The following ATXN2 variants were observed in gnomAD, a reference collection of about 807,000 sequenced individuals.
ATXN2 encodes ataxin 2.
ATXN2 carries 37 observed loss-of-function variants against 138.6 expected under a neutral mutation model. The ratio of observed to expected loss-of-function variants is 0.27; its 90% CI spans 0.21 to 0.35. The LOEUF (loss-of-function observed/expected upper bound fraction) is 0.35, where lower values mean the gene tolerates loss of function less well. Ranked by LOEUF, ATXN2 falls within the 10% of genes least tolerant of loss-of-function variation. ATXN2 has a pLI of 1.00. For missense variants in ATXN2, 1,216 were observed against 1,480.3 expected (o/e 0.82, Z 2.93); for synonymous variants, 549 against 543.7 (o/e 1.01, Z -0.13).
At chr12:111,599,328 G>A (rs1183618784), upstream of ATXN2, 114 of 1,171,208 alleles carry the variant, frequency 9.7e-5, no homozygotes, top group Non-Finnish European at 1.2e-4. Flanking sequence ...CGGGAGGGAG[G>A]GGGGCCGGGG....
At chr12:111,549,783 C>G (rs1337923943) in intron 5 of ATXN2, among the ~76,000 whole-genome samples, 2 of 151,892 alleles carry the variant, frequency 1.3e-5, no homozygotes, top group African/African-American at 4.8e-5. Context: ...AAGATACCTG[C>G]CCAGGCGTGG....
At chr12:111,537,024 C>T (rs1881223510) in intron 5 of ATXN2, among the ~76,000 whole-genome samples, 1 of 151,942 alleles carries the variant, frequency 6.6e-6, no homozygotes, top group African/African-American at 2.4e-5. Flanking sequence ...CTCAAATGAT[C>T]TGCCAGCCCC....
chr12:111,535,494 C>T (rs941843105), intron 5 of ATXN2, among the ~76,000 whole-genome samples: 2 of 151,920 alleles, frequency 1.3e-5, no homozygotes, highest in African/African-American at 2.4e-5. Flanking sequence ...TGGTGGCGCG[C>T]GCCTGTCGTC....
rs144543727 is a variant in ATXN2 at position 111,552,362 on chromosome 12, T to C, written c.489A>G (p.Glu163=). Residue 163 remains glutamate (E), a synonymous_variant, in exon 5 of 25, where the codon GAA becomes GAG. Transcript: ENST00000673436. This position sits in a 1 kb window ranked among gnomAD's most constrained non-coding sequence, Gnocchi z 4.1. The stretch of plus-strand genomic sequence containing the variant: ...ATTTGAACAAAATACTCTCCATTAT[T>C]TCTTCACGTTTCGGCCCCGAACTGG... The part of the protein sequence containing the change: ...TESSSGPKRE[E]IMESILFKCS... 1 of 1,613,900 alleles carries C rather than the reference T, an allele frequency of 6.2e-7. No homozygotes were observed. Among genetic ancestry groups the C allele is most frequent in the Non-Finnish European group, 8.5e-7 (1 of 1,179,920 alleles).
chr12:111,508,112 C>T (rs1879279171), intron 14 of ATXN2, among the ~76,000 whole-genome samples: 1 of 151,728 alleles, frequency 6.6e-6, no homozygotes, highest in Admixed American at 6.6e-5. Flanking sequence ...GTCCTATGAC[C>T]CTGCCAAATC....
chr12:111,563,543 A>G (rs1206132065), intron 1 of ATXN2, among the ~76,000 whole-genome samples: 1 of 152,124 alleles, frequency 6.6e-6, no homozygotes, highest in Non-Finnish European at 1.5e-5. Context: ...CATGTCTCTC[A>G]TATGTTTAAT....
At chr12:111,594,907 C>T (rs1453519927) in intron 1 of ATXN2, among the ~76,000 whole-genome samples, 1 of 152,130 alleles carries the variant, frequency 6.6e-6, no homozygotes, top group Non-Finnish European at 1.5e-5. Flanking sequence ...AACCAAGTAC[C>T]CTCATTAATA....
chr12:111,481,134 A>ATTCC (rs1354434697), intron 18 of ATXN2, among the ~76,000 whole-genome samples: 1 of 151,926 alleles, frequency 6.6e-6, no homozygotes, highest in Non-Finnish European at 1.5e-5. Context: ...ACATGGTGAA[A>ATTCC]TTCCATCTCT....
intron 5 of ATXN2, among the ~76,000 whole-genome samples, chr12:111,528,835 G>T (rs576331663): frequency 1.5e-4 from 23 of 152,258 alleles, no homozygotes; most frequent in African/African-American, 5.1e-4. Context: ...GGCCAACATT[G>T]CATCATTAGC....
intron 1 of ATXN2, among the ~76,000 whole-genome samples, chr12:111,583,928 T>C (rs1884170822): frequency 6.6e-6 from 1 of 152,122 alleles, no homozygotes; most frequent in South Asian, 2.1e-4. Flanking sequence ...TCAATGTTCA[T>C]CAAAAATTCA....
intron 7 of ATXN2, among the ~76,000 whole-genome samples, chr12:111,520,520 A>ACGTG (rs1241743377): frequency 6.6e-6 from 1 of 152,078 alleles, no homozygotes; most frequent in Non-Finnish European, 1.5e-5. Context: ...GCATGGTAGC[A>ACGTG]CGCGCCTATA....
intron 1 of ATXN2, among the ~76,000 whole-genome samples, chr12:111,583,238 G>A (rs576677016): frequency 1.3e-5 from 2 of 150,638 alleles, no homozygotes; most frequent in East Asian, 2.0e-4. Flanking sequence ...TGATCCACCC[G>A]CCTCAGCCTC....
chr12:111,528,197 C>A (rs1880607955), intron 5 of ATXN2, among the ~76,000 whole-genome samples: 1 of 152,074 alleles, frequency 6.6e-6, no homozygotes, highest in South Asian at 2.1e-4. Flanking sequence ...TCTTTTGATT[C>A]AAGAAATTAA....
intron 14 of ATXN2, among the ~76,000 whole-genome samples, chr12:111,503,874 G>A (rs1209950550): frequency 1.3e-5 from 2 of 151,578 alleles, no homozygotes. Context: ...ATAGGTATCA[G>A]CCACCGTGCC....
intron 18 of ATXN2, among the ~76,000 whole-genome samples, chr12:111,477,872 C>A (rs1056389041): frequency 6.6e-6 from 1 of 152,110 alleles, no homozygotes; most frequent in Non-Finnish European, 1.5e-5. Context: ...TCCAAACCCC[C>A]GCAACCTCGC....
intron 18 of ATXN2, chr12:111,471,242 C>A: frequency 6.0e-6 from 1 of 166,658 alleles, no homozygotes. Context: ...TATAACACAG[C>A]ACCATGTAGC....
At chr12:111,503,586 A>G (rs1878917874) in intron 14 of ATXN2, among the ~76,000 whole-genome samples, 3 of 151,808 alleles carry the variant, frequency 2.0e-5, no homozygotes, top group Admixed American at 2.0e-4. Context: ...TCTGGGACAC[A>G]TATTTTTTTT....
intron 1 of ATXN2, among the ~76,000 whole-genome samples, chr12:111,570,040 T>G (rs1883226540): frequency 6.6e-6 from 1 of 152,132 alleles, no homozygotes; most frequent in Non-Finnish European, 1.5e-5. Context: ...TATTTAAATT[T>G]TAATCAACAT....
Position 111,598,022 on chromosome 12 carries a change from G to T in ATXN2, c.251+762C>A, listed in dbSNP as rs1478530952. On this transcript the variant is annotated intron_variant, in intron 1 of 24. Transcript: ENST00000673436. The surrounding 1 kb of genome is among the most constrained non-coding windows in gnomAD (Gnocchi z 4.5). ...GCGGGGGAAGGAGGAAGGCCGGGAC[G>T]GGGCCGGGCACTCCCCACCCCTTCC... 6.7e-6 allele frequency: 8 copies of T among 1,190,968 alleles called. No individual in the cohort carries two copies. The highest frequency in any genetic ancestry group is 1.6e-5 in the African/African-American group (1 of 62,766). 73.8% of individuals were successfully genotyped at this position (1,190,968 alleles called of 1,614,324 possible).
Sources: allele counts gnomAD v4.1 joint callset (sites outside exome capture counted in the v4.1 genomes callset), GRCh38; gene constraint gnomAD v4.1.1; non-coding constraint Gnocchi (gnomAD v3.1); transcripts MANE v1.5; gene names NCBI Gene and HGNC (gene_info 2026-07-23, HGNC 2026-07-21).